OR2L13: variants seen among roughly 807,000 people sequenced by gnomAD.
OR2L13 encodes the protein olfactory receptor 2L13.
Under a neutral mutation model 15.3 loss-of-function variants are expected in OR2L13, and 14 were observed. The observed-to-expected ratio is 0.91, with a 90% confidence interval of 0.60 to 1.43. The LOEUF is 1.43. OR2L13 is among the 40% of genes most tolerant of loss of function. The pLI, the probability that OR2L13 is intolerant of heterozygous loss-of-function variation, is 0.00. For missense variants in OR2L13, 367 were observed against 387.9 expected (o/e 0.95, Z 0.45); for synonymous variants, 152 against 142.9 (o/e 1.06, Z -0.45).
the OR2L13 span, among the ~76,000 whole-genome samples, chr1:248,084,784 G>C: frequency 6.6e-6 from 1 of 152,090 alleles, no homozygotes; most frequent in African/African-American, 2.4e-5. Flanking sequence ...CAGTGCCAAG[G>C]ACTCATTAAA....
chr1:248,026,446 C>G, the OR2L13 span, among the ~76,000 whole-genome samples: 6 of 152,316 alleles, frequency 3.9e-5, no homozygotes, highest in Non-Finnish European at 8.8e-5. Context: ...TTGGTTCTCT[C>G]AAGCTGGGAA....
At chr1:247,984,257 T>G in the OR2L13 span, among the ~76,000 whole-genome samples, 5,891 of 128,268 alleles carry the variant, frequency 0.046, 148 homozygotes, top group African/African-American at 0.086. Context: ...TATTATTATT[T>G]TTAAATGAGG....
the OR2L13 span, among the ~76,000 whole-genome samples, chr1:248,036,634 A>G: frequency 6.6e-6 from 1 of 151,988 alleles, no homozygotes; most frequent in African/African-American, 2.4e-5. Context: ...CTCTAAAATA[A>G]TTTTCAAGCC....
the OR2L13 span, among the ~76,000 whole-genome samples, chr1:248,073,142 C>T: frequency 6.6e-6 from 1 of 151,920 alleles, no homozygotes; most frequent in Non-Finnish European, 1.5e-5. Flanking sequence ...ACCCAAAGGA[C>T]TATAAATCAT....
At chr1:247,993,414 A>T in the OR2L13 span, among the ~76,000 whole-genome samples, 1 of 138,324 alleles carries the variant, frequency 7.2e-6, no homozygotes, top group African/African-American at 2.8e-5. Context: ...TTTTGTTGCT[A>T]TTGTTACTCC....
chr1:247,993,816 A>AGAGAGAG, the OR2L13 span, among the ~76,000 whole-genome samples: 1 of 129,446 alleles, frequency 7.7e-6, no homozygotes, highest in Non-Finnish European at 1.6e-5. Flanking sequence ...AGAGAGAAAG[A>AGAGAGAG]AAGAGAAAGA....
At chr1:247,965,447 ACTCT>A in the OR2L13 span, 1 of 1,613,458 alleles carries the variant, frequency 6.2e-7, no homozygotes, top group Non-Finnish European at 8.5e-7. Flanking sequence ...GGCTGGATAA[ACTCT>A]CTTCTCTTTG....
the OR2L13 span, among the ~76,000 whole-genome samples, chr1:248,001,204 T>C: frequency 6.6e-6 from 1 of 152,154 alleles, no homozygotes; most frequent in Non-Finnish European, 1.5e-5. Flanking sequence ...TCAGTGGCGA[T>C]ACCAATCTGA....
chr1:248,075,685 A>G, the OR2L13 span, among the ~76,000 whole-genome samples: 1 of 151,918 alleles, frequency 6.6e-6, no homozygotes, highest in Admixed American at 6.6e-5. Context: ...CCTTTGCCCA[A>G]TTTTTGATGA....
chr1:247,949,900 C>A, the OR2L13 span: 1 of 821,502 alleles, frequency 1.2e-6, no homozygotes, highest in Non-Finnish European at 1.8e-6. Context: ...CTAAAACTAA[C>A]CAACGGAAGA....
the OR2L13 span, chr1:248,039,143 A>G: frequency 6.2e-7 from 1 of 1,613,856 alleles, no homozygotes; most frequent in African/African-American, 1.3e-5. Context: ...ACAGCCTGAG[A>G]AACAAGGAGG....
At chr1:248,062,419 G>A in the OR2L13 span, 1 of 151,568 alleles carries the variant, frequency 6.6e-6, no homozygotes, top group Non-Finnish European at 1.5e-5. Context: ...TGAAGACACT[G>A]TCTTTTTCCC....
the OR2L13 span, among the ~76,000 whole-genome samples, chr1:248,006,997 T>G: frequency 2.0e-5 from 3 of 152,198 alleles, no homozygotes; most frequent in Admixed American, 2.0e-4. Flanking sequence ...CTACTGTTTT[T>G]GTTATTTATT....
the OR2L13 span, among the ~76,000 whole-genome samples, chr1:248,086,235 G>A: frequency 1.3e-5 from 2 of 152,106 alleles, no homozygotes; most frequent in Non-Finnish European, 2.9e-5. Context: ...ACATGATGGT[G>A]AAAGTCTAAG....
At chr1:247,937,756 T>C in the OR2L13 span, among the ~76,000 whole-genome samples, 1 of 152,372 alleles carries the variant, frequency 6.6e-6, no homozygotes, top group Non-Finnish European at 1.5e-5. Flanking sequence ...ATGTTATTCA[T>C]AGCAAAAACT....
chr1:248,069,463 T>A, the OR2L13 span, among the ~76,000 whole-genome samples: 2 of 152,118 alleles, frequency 1.3e-5, no homozygotes, highest in South Asian at 4.2e-4. Flanking sequence ...CTAAAAGAGC[T>A]CCTGAAGGTA....
At chr1:248,046,252 T>A in the OR2L13 span, among the ~76,000 whole-genome samples, 1 of 152,210 alleles carries the variant, frequency 6.6e-6, no homozygotes, top group African/African-American at 2.4e-5. Context: ...TTGAACATGT[T>A]TAATACCCAA....
the OR2L13 span, among the ~76,000 whole-genome samples, chr1:248,087,191 A>G: frequency 6.6e-6 from 1 of 151,054 alleles, no homozygotes; most frequent in Non-Finnish European, 1.5e-5. Flanking sequence ...AAACAGCCAT[A>G]CTCTTCAGTA....
the OR2L13 span, among the ~76,000 whole-genome samples, chr1:247,988,843 A>T: frequency 1.3e-5 from 2 of 152,066 alleles, no homozygotes; most frequent in African/African-American, 2.4e-5. Context: ...AAGGATCATA[A>T]AGTAATTTAT....
Sources: gnomAD v4.1 joint callset for allele counts (sites outside exome capture counted in the v4.1 genomes callset) on GRCh38, gnomAD v4.1.1 for gene constraint, MANE v1.5 for transcripts, NCBI Gene and HGNC (gene_info 2026-07-23, HGNC 2026-07-21) for gene names.